The following RBFOX3 variants were observed in gnomAD, a reference collection of about 807,000 sequenced individuals.
RBFOX3 encodes RNA binding protein fox-1 homolog 3.
RBFOX3 carries 17 observed loss-of-function variants against 48.7 expected under a neutral mutation model. The observed-to-expected ratio is 0.35, with a 90% CI of 0.24 to 0.52. The LOEUF (loss-of-function observed/expected upper bound fraction) is 0.52, where lower values mean the gene tolerates loss of function less well. Ranked by LOEUF, RBFOX3 falls within the 20% of genes least tolerant of loss-of-function variation. The pLI is 0.94. For synonymous variants in RBFOX3, 212 were observed against 209.5 expected, an observed-to-expected ratio of 1.01 and a Z score of -0.10; for missense variants, 382 against 497.5, an observed-to-expected ratio of 0.77 and a Z score of 2.21.
At position 79,477,994 on chromosome 17, in the gene RBFOX3, C is replaced by A. The variant is rs1305682200; in HGVS notation, c.-175+4460G>T. On this transcript the variant is annotated intron_variant, in intron 2 of 14. Coordinates refer to ENST00000693108, the MANE Select transcript of RBFOX3 (RefSeq NM_001350451.2). This position sits in a 1 kb window ranked among gnomAD's most constrained non-coding sequence, Gnocchi z 4.8. ...TCCTGCAAAAGGAATGCATTCACTG[C>A]AAGCCTGGGAGCAACGTCCCATCCG... is the stretch of plus-strand genomic sequence containing the variant. Among the ~76,000 whole-genome samples the A allele has an allele frequency of 6.6e-6, 1 of 152,186 alleles. No individual in the cohort carries two copies. The highest frequency in any genetic ancestry group is 1.5e-5 in the Non-Finnish European group (1 of 68,030).
chr17:79,096,090 A>C (rs1019923685), intron 12 of RBFOX3, among the ~76,000 whole-genome samples: 4 of 152,198 alleles, frequency 2.6e-5, no homozygotes, highest in Admixed American at 2.6e-4. Context: ...TCCTGGCCTC[A>C]AATGGGCAGG....
Position 79,150,222 on chromosome 17 carries a change from A to G in RBFOX3, c.-33-34474T>C, listed in dbSNP as rs534432317. Among the ~76,000 whole-genome samples the G allele has an allele frequency of 1.1e-4, 16 of 152,040 alleles. No individual in the cohort carries two copies. In the South Asian group the frequency reaches 3.3e-3, roughly 32 times the overall value. On this transcript the variant is annotated intron_variant, in intron 4 of 14. Coordinates refer to ENST00000693108, the MANE Select transcript of RBFOX3 (RefSeq NM_001350451.2). ...TGGGCCACGACCTAGAGCAGCAGCC[A>G]CGTCCCAGGAGACTGAGGCCCTCAA...
chr17:79,194,127 C>G (rs1202852953), intron 4 of RBFOX3, among the ~76,000 whole-genome samples: 6 of 152,188 alleles, frequency 3.9e-5, no homozygotes, highest in Non-Finnish European at 5.9e-5. Flanking sequence ...CATGAAGACA[C>G]CAATGTTGCT....
At chr17:79,416,652 G>A (rs1226885414) in intron 2 of RBFOX3, among the ~76,000 whole-genome samples, 1 of 152,236 alleles carries the variant, frequency 6.6e-6, no homozygotes, top group African/African-American at 2.4e-5. Flanking sequence ...GAGAAGTGGA[G>A]GCCGGCCCTC....
chr17:79,523,037 G>A (rs979636380), intron 1 of RBFOX3, among the ~76,000 whole-genome samples: 44 of 150,044 alleles, frequency 2.9e-4, no homozygotes, highest in Admixed American at 1.8e-3. Flanking sequence ...GGCAGAAAAG[G>A]ACAAATCCCG....
intron 4 of RBFOX3, among the ~76,000 whole-genome samples, chr17:79,132,362 C>T (rs1416326108): frequency 6.6e-6 from 1 of 152,180 alleles, no homozygotes; most frequent in Non-Finnish European, 1.5e-5. Flanking sequence ...AATCACTGCC[C>T]CGGATGAGCA....
chr17:79,619,879 G>A, the RBFOX3 span, among the ~76,000 whole-genome samples: 2 of 152,240 alleles, frequency 1.3e-5, no homozygotes, highest in South Asian at 2.1e-4. Flanking sequence ...TCTGGCCGTC[G>A]TCCAGGTTGG....
In RBFOX3 at chr17:79,252,519, T is replaced by C. The variant is rs2064123969; in HGVS notation, c.-73-16714A>G. On this transcript the variant is annotated intron_variant, in intron 3 of 14. Coordinates refer to ENST00000693108, the MANE Select transcript of RBFOX3 (RefSeq NM_001350451.2). The surrounding 1 kb of genome is among the most constrained non-coding windows in gnomAD (Gnocchi z 4.0). ...TTGACCCAAGGAGTTCGGGGGCCTC[T>C]AGAGGCTGGAACAGGGAGGCAGTGG... Among the ~76,000 whole-genome samples the C allele has an allele frequency of 6.6e-6, 1 of 152,148 alleles. No individual in the cohort carries two copies. Among genetic ancestry groups the C allele is most frequent in the African/African-American group, 2.4e-5 (1 of 41,414 alleles).
chr17:79,176,390 C>A (rs529001625), intron 4 of RBFOX3, among the ~76,000 whole-genome samples: 3 of 152,332 alleles, frequency 2.0e-5, no homozygotes, highest in Non-Finnish European at 2.9e-5. Flanking sequence ...CAGCACCCCC[C>A]AAGCAGGGCC....
intron 1 of RBFOX3, chr17:79,598,570 A>G (rs1487468198): frequency 6.6e-6 from 1 of 151,978 alleles, no homozygotes; most frequent in African/African-American, 2.4e-5. Flanking sequence ...GAAGATCCCT[A>G]CCTTCTCCAG....
chr17:79,145,766 C>T (rs56242032), intron 4 of RBFOX3, among the ~76,000 whole-genome samples: 37,007 of 152,172 alleles, frequency 0.24, 4,702 homozygotes, highest in Middle Eastern at 0.29. Context: ...ACACGTGGAT[C>T]CATGCGGCCC....
chr17:79,348,575 T>TC (rs2083307543), intron 2 of RBFOX3, among the ~76,000 whole-genome samples: 1 of 121,242 alleles, frequency 8.2e-6, no homozygotes, highest in South Asian at 2.8e-4. Context: ...CTTTTCCTTT[T>TC]TTTTTTTTTT....
the RBFOX3 span, among the ~76,000 whole-genome samples, chr17:79,620,609 ATG>A: frequency 9.3e-5 from 13 of 140,266 alleles, no homozygotes; most frequent in African/African-American, 3.3e-4. Context: ...GCACGCACAC[ATG>A]CACACACGCA....
the RBFOX3 span, among the ~76,000 whole-genome samples, chr17:79,665,342 G>T: frequency 6.6e-6 from 1 of 151,946 alleles, no homozygotes; most frequent in Non-Finnish European, 1.5e-5. Context: ...TCACCGAGAT[G>T]GGGCCAGAGC....
chr17:79,554,512 G>GTCACCCCCGAC (rs1599138279), intron 1 of RBFOX3, among the ~76,000 whole-genome samples: 7 of 126,478 alleles, frequency 5.5e-5, no homozygotes, highest in Middle Eastern at 4.2e-3. Flanking sequence ...ACCTGGCCCT[G>GTCACCCCCGAC]CTGGCCCTTT....
At chr17:79,340,953 T>C (rs868642278) in intron 2 of RBFOX3, among the ~76,000 whole-genome samples, 5 of 152,190 alleles carry the variant, frequency 3.3e-5, no homozygotes, top group African/African-American at 9.7e-5. Context: ...CAGTTCTGTG[T>C]CTAAGCAATG....
intron 2 of RBFOX3, among the ~76,000 whole-genome samples, chr17:79,317,781 G>A (rs78871684): frequency 0.022 from 3,379 of 151,918 alleles, 144 homozygotes; most frequent in African/African-American, 0.077. Context: ...TGCAATGTTC[G>A]ATGAGGCCAT....
At chr17:79,542,070 C>A (rs1312404770) in intron 1 of RBFOX3, among the ~76,000 whole-genome samples, 3 of 150,598 alleles carry the variant, frequency 2.0e-5, no homozygotes, top group South Asian at 4.2e-4. Context: ...GTTTATCGTG[C>A]AACACTCCGA....
chr17:79,589,664 G>A (rs1402785040), intron 1 of RBFOX3, among the ~76,000 whole-genome samples: 1 of 152,176 alleles, frequency 6.6e-6, no homozygotes, highest in Non-Finnish European at 1.5e-5. Context: ...AATGCACGGG[G>A]AGGAGCTGGG....
Sources: gnomAD v4.1 joint callset for allele counts (sites outside exome capture counted in the v4.1 genomes callset) on GRCh38, gnomAD v4.1.1 for gene constraint, Gnocchi (gnomAD v3.1) non-coding constraint, MANE v1.5 for transcripts, NCBI Gene and HGNC (gene_info 2026-07-23, HGNC 2026-07-21) for gene names.